The following THSD7A variants were observed in gnomAD, a reference collection of about 807,000 sequenced individuals.
THSD7A encodes thrombospondin type-1 domain-containing protein 7A.
THSD7A carries 96 observed loss-of-function variants against 231.3 expected under a neutral mutation model. That is an observed-to-expected ratio of 0.41 (90% CI 0.35 to 0.49). The LOEUF is 0.49. Among genes scored for constraint, THSD7A ranks in the 20% least tolerant of loss-of-function variants. THSD7A has a pLI of 0.05. For synonymous variants in THSD7A, 940 were observed against 743.3 expected (o/e 1.26, Z -4.30); for missense variants, 2,290 against 2,070.2 (o/e 1.11, Z -2.06).
rs905274204 is a variant in THSD7A at position 11,708,066 on chromosome 7, G to A, written c.191-71105C>T. Among the ~76,000 whole-genome samples, 11 of 150,664 alleles carry A rather than the reference G, an allele frequency of 7.3e-5. No individual in the cohort carries two copies. In the East Asian group the frequency reaches 2.2e-3, roughly 30 times the overall value. Reference sequence around the variant, plus strand: ...TTGCACTCAACTTCTCTAACCTGAAGAGCATCCTGGCTTCTCTCCCTACTC... The same window carrying A: ...TTGCACTCAACTTCTCTAACCTGAAAAGCATCCTGGCTTCTCTCCCTACTC... On this transcript the variant is annotated intron_variant, in intron 1 of 27. Transcript: ENST00000423059.
At chr7:11,772,849 C>T (rs1340294469) in intron 1 of THSD7A, among the ~76,000 whole-genome samples, 1 of 152,056 alleles carries the variant, frequency 6.6e-6, no homozygotes, top group African/African-American at 2.4e-5. Flanking sequence ...GTACATGCAA[C>T]CCCTCAATCT....
chr7:11,571,549 A>C (rs1254809761), intron 4 of THSD7A, among the ~76,000 whole-genome samples: 1 of 152,222 alleles, frequency 6.6e-6, no homozygotes, highest in African/African-American at 2.4e-5. Flanking sequence ...TAAAGAAGTT[A>C]AGTAACCTGT....
At chr7:11,496,243 T>C (rs1035947486) in intron 6 of THSD7A, among the ~76,000 whole-genome samples, 5 of 152,184 alleles carry the variant, frequency 3.3e-5, no homozygotes, top group Non-Finnish European at 5.9e-5. Context: ...TATACCCATA[T>C]TACAGAGAAA....
chr7:11,657,778 G>A (rs1490825931), intron 1 of THSD7A, among the ~76,000 whole-genome samples: 1 of 151,736 alleles, frequency 6.6e-6, no homozygotes, highest in African/African-American at 2.4e-5. Flanking sequence ...AGTTATGAAA[G>A]CACTTTTTAA....
chr7:11,406,712 T>A lies in THSD7A; in HGVS notation c.4062+198A>T, dbSNP rs1019538025. 2.6e-5 allele frequency among the ~76,000 whole-genome samples: 4 copies of A among 152,220 alleles called. No individual in the cohort carries two copies. Among genetic ancestry groups the A allele is most frequent in the African/African-American group, 7.2e-5 (3 of 41,468 alleles). On this transcript the variant is annotated intron_variant, in intron 21 of 27. Transcript: ENST00000423059. The surrounding 1 kb of genome is among the most constrained non-coding windows in gnomAD (Gnocchi z 4.7). The stretch of plus-strand genomic sequence containing the variant: ...AAATGAATCAGTCTCCAAATGATTT[T>A]AAAAATATAGGGCATGGAGTTTTTG...
At chr7:11,556,327 T>C (rs1228037861) in intron 4 of THSD7A, among the ~76,000 whole-genome samples, 1 of 147,060 alleles carries the variant, frequency 6.8e-6, no homozygotes, top group African/African-American at 2.4e-5. Context: ...ATACAAGATA[T>C]ACTATATATA....
chr7:11,658,689 G>C (rs1782799878), intron 1 of THSD7A, among the ~76,000 whole-genome samples: 1 of 151,630 alleles, frequency 6.6e-6, no homozygotes, highest in Non-Finnish European at 1.5e-5. Flanking sequence ...GATAAGCAGA[G>C]TTTCAGGATT....
intron 1 of THSD7A, among the ~76,000 whole-genome samples, chr7:11,738,260 C>A (rs1402092897): frequency 1.3e-5 from 2 of 151,922 alleles, no homozygotes; most frequent in Non-Finnish European, 2.9e-5. Flanking sequence ...ATGCTCCAGT[C>A]AGTATTTCCT....
At chr7:11,786,843 T>C (rs979562231) in intron 1 of THSD7A, among the ~76,000 whole-genome samples, 5 of 151,556 alleles carry the variant, frequency 3.3e-5, no homozygotes, top group Non-Finnish European at 5.9e-5. Context: ...TACACCGAAC[T>C]GACAAAAATT....
At position 11,636,490 on chromosome 7, in the gene THSD7A, A is replaced by G. The variant is rs375748237; in HGVS notation, c.662T>C (p.Val221Ala). 2.0e-5 allele frequency: 32 copies of G among 1,613,736 alleles called. No homozygotes were observed. In the African/African-American group the frequency reaches 3.7e-4, roughly 19 times the overall value. The stretch of plus-strand genomic sequence containing the variant: ...GCCTCCGAACTGCGGGGGCGCCACC[A>G]CATGACGCGTCCGGTGCTGGAGCCC... ...GSGLQHRTRHVVAPPQFGGSG... is the reference protein window; with the variant it reads ...GSGLQHRTRHAVAPPQFGGSG... The change falls in exon 2 of 28, where the codon GTG (valine) becomes GCG (alanine). Residue 221 changes from valine (V) to alanine (A), a missense_variant. Coordinates refer to ENST00000423059, the MANE Select transcript of THSD7A (RefSeq NM_015204.3). This position sits in a 1 kb window ranked among gnomAD's most constrained non-coding sequence, Gnocchi z 10.0.
intron 1 of THSD7A, among the ~76,000 whole-genome samples, chr7:11,697,899 A>C (rs927105641): frequency 2.0e-5 from 3 of 151,438 alleles, no homozygotes; most frequent in Non-Finnish European, 4.4e-5. Flanking sequence ...AATTAAATTA[A>C]ATAGGCACTG....
chr7:11,727,780 G>C (rs1161887825), intron 1 of THSD7A, among the ~76,000 whole-genome samples: 1 of 151,912 alleles, frequency 6.6e-6, no homozygotes, highest in African/African-American at 2.4e-5. Flanking sequence ...TTCATAATAA[G>C]ATTAATATTT....
At chr7:11,653,263 A>T (rs908978251) in intron 1 of THSD7A, among the ~76,000 whole-genome samples, 2 of 151,758 alleles carry the variant, frequency 1.3e-5, no homozygotes, top group Admixed American at 6.6e-5. Context: ...GGCCCTGCTT[A>T]TTATGAACAC....
chr7:11,648,870 T>C (rs995139018), intron 1 of THSD7A, among the ~76,000 whole-genome samples: 10 of 152,004 alleles, frequency 6.6e-5, no homozygotes, highest in African/African-American at 2.4e-4. Flanking sequence ...CTGAGCAGCT[T>C]GCTTCAACCA....
At chr7:11,679,401 G>C (rs746259327) in intron 1 of THSD7A, among the ~76,000 whole-genome samples, 47 of 152,158 alleles carry the variant, frequency 3.1e-4, no homozygotes, top group Admixed American at 1.3e-4. Flanking sequence ...AAAATCGGAA[G>C]TCAAATTATC....
chr7:11,442,804 C>T (rs542202599), intron 13 of THSD7A, among the ~76,000 whole-genome samples: 63 of 152,016 alleles, frequency 4.1e-4, no homozygotes, highest in Non-Finnish European at 7.1e-4. Flanking sequence ...AGGAATGATG[C>T]AGGACATGCA....
chr7:11,406,820 A>G lies in THSD7A; in HGVS notation c.4062+90T>C. The stretch of plus-strand genomic sequence containing the variant: ...TTGTCATCTGTGAGCTCTGAAACAT[A>G]TTTCTAACACATTATTTTTATGTTT... On this transcript the variant is annotated intron_variant, in intron 21 of 27. Transcript: ENST00000423059. The surrounding 1 kb of genome is among the most constrained non-coding windows in gnomAD (Gnocchi z 4.7). 2.1e-6 allele frequency: 3 copies of G among 1,445,162 alleles called. No individual in the cohort carries two copies. Among genetic ancestry groups the G allele is most frequent in the Non-Finnish European group, 1.9e-6 (2 of 1,075,852 alleles). 89.5% of individuals were successfully genotyped at this position (1,445,162 alleles called of 1,614,324 possible). A position where few individuals can be genotyped will look rare whatever the true frequency, so the allele number is the denominator to read the frequency against.
chr7:11,767,784 T>A (rs546214521), intron 1 of THSD7A, among the ~76,000 whole-genome samples: 7 of 152,122 alleles, frequency 4.6e-5, no homozygotes, highest in Non-Finnish European at 1.0e-4. Flanking sequence ...AAATGAAAGA[T>A]CTGAGTGCAG....
rs534220668 is a variant in THSD7A at position 11,426,867 on chromosome 7, A to C, written c.3244-196T>G. Among the ~76,000 whole-genome samples, 4 of 152,318 alleles carry C rather than the reference A, an allele frequency of 2.6e-5. No homozygotes were observed. In the East Asian group the frequency reaches 7.7e-4, roughly 29 times the overall value. The stretch of plus-strand genomic sequence containing the variant: ...TACACAACTACTTATTAATGTTAAA[A>C]AGTAAGATACACAAATGGGTATTGT... On this transcript the variant is annotated intron_variant, in intron 14 of 27. Coordinates refer to ENST00000423059, the MANE Select transcript of THSD7A (RefSeq NM_015204.3).
Sources: gnomAD v4.1 joint callset for allele counts (sites outside exome capture counted in the v4.1 genomes callset) on GRCh38, gnomAD v4.1.1 for gene constraint, Gnocchi (gnomAD v3.1) non-coding constraint, MANE v1.5 for transcripts, NCBI Gene and HGNC (gene_info 2026-07-23, HGNC 2026-07-21) for gene names.